DYNC2I1: variants seen among roughly 807,000 people sequenced by gnomAD.
The protein encoded by DYNC2I1 is dynein 2 intermediate chain 1, also known as cytoplasmic dynein 2 intermediate chain 1.
DYNC2I1 carries 89 observed loss-of-function variants against 133.4 expected under a neutral mutation model. The observed-to-expected ratio is 0.67, with a 90% CI of 0.56 to 0.80. The LOEUF (loss-of-function observed/expected upper bound fraction) is 0.80. DYNC2I1 is among the 30% of genes least tolerant of loss of function. The probability of loss-of-function intolerance (pLI) is 0.00; values close to 1 mark genes in which losing one functional copy is unlikely to be tolerated. For missense variants in DYNC2I1, 1,291 were observed against 1,314.5 expected (o/e 0.98, Z 0.28); for synonymous variants, 504 against 484.3 (o/e 1.04, Z -0.54).
chr7:158,872,223 G>A (rs1842952901), intron 3 of DYNC2I1, among the ~76,000 whole-genome samples: 1 of 152,212 alleles, frequency 6.6e-6, no homozygotes, highest in Non-Finnish European at 1.5e-5. Flanking sequence ...GGCCGAGGTG[G>A]GAGGATCCCT....
At position 158,867,018 on chromosome 7, in the gene DYNC2I1, G is replaced by GTTT. The variant is rs35720744; in HGVS notation, c.16-2821_16-2819dup. ...TCCATTTTTCATTTGGACTAAATCT[G>GTTT]TTTTTTTTTTTTTTTTTTGAAACAA... On this transcript the variant is annotated intron_variant, in intron 1 of 24. Coordinates refer to ENST00000407559, the MANE Select transcript of DYNC2I1 (RefSeq NM_018051.5). 6.8e-4 allele frequency among the ~76,000 whole-genome samples: 82 copies of GTTT among 121,168 alleles called. 1 individual carries two copies. The highest frequency in any genetic ancestry group is 1.7e-3 in the African/African-American group (57 of 33,000). The allele number at this position is 121,168 out of a possible 152,430, so 79.5% of individuals were successfully genotyped here.
the DYNC2I1 span, among the ~76,000 whole-genome samples, chr7:158,845,250 T>G: frequency 1.3e-5 from 2 of 152,090 alleles, no homozygotes; most frequent in Non-Finnish European, 2.9e-5. Context: ...ATGGTGAGTG[T>G]GTTGTGTATT....
At chr7:158,862,850 T>C (rs1273314175) in intron 1 of DYNC2I1, among the ~76,000 whole-genome samples, 3 of 152,050 alleles carry the variant, frequency 2.0e-5, no homozygotes, top group Non-Finnish European at 4.4e-5. Flanking sequence ...GTTTGTGGTC[T>C]TGCTGACTTC....
chr7:158,878,717 C>CATTGCTTTCTCTGTGG, intron 4 of DYNC2I1, among the ~76,000 whole-genome samples: 3 of 142,968 alleles, frequency 2.1e-5, no homozygotes, highest in African/African-American at 2.7e-5. Context: ...TGTGGGGAGG[C>CATTGCTTTCTCTGTGG]GAGGAGGGCA....
the DYNC2I1 span, among the ~76,000 whole-genome samples, chr7:158,845,340 A>T: frequency 6.6e-6 from 1 of 152,332 alleles, no homozygotes; most frequent in South Asian, 2.1e-4. Flanking sequence ...TCAAGTTCAC[A>T]TGACTTAAGT....
intron 23 of DYNC2I1, among the ~76,000 whole-genome samples, chr7:158,941,340 T>C (rs1851341150): frequency 6.6e-6 from 1 of 152,258 alleles, no homozygotes; most frequent in Admixed American, 6.5e-5. Flanking sequence ...TGGCCCATAT[T>C]TGAATCACTG....
intron 20 of DYNC2I1, 76 bp downstream of exon 20, chr7:158,927,119 C>G: frequency 9.2e-7 from 1 of 1,081,822 alleles, no homozygotes; most frequent in Non-Finnish European, 1.4e-6. Context: ...TAACTGCGGT[C>G]AGGTGCAGTG....
intron 7 of DYNC2I1, among the ~76,000 whole-genome samples, chr7:158,887,507 TTAA>T (rs925579854): frequency 1.3e-5 from 2 of 152,020 alleles, no homozygotes; most frequent in Non-Finnish European, 2.9e-5. Flanking sequence ...AAAGAGACAA[TTAA>T]TAATAATAGT....
chr7:158,848,650 C>T, the DYNC2I1 span, among the ~76,000 whole-genome samples: 63,634 of 151,728 alleles, frequency 0.42, 14,041 homozygotes, highest in East Asian at 0.65. Flanking sequence ...CCAGGCCGGG[C>T]GCGGTGACTC....
intron 8 of DYNC2I1, among the ~76,000 whole-genome samples, chr7:158,891,963 A>G (rs1845270138): frequency 1.3e-5 from 2 of 151,772 alleles, no homozygotes; most frequent in African/African-American, 4.8e-5. Context: ...AAGGACCTGG[A>G]GCGGAGCTTG....
At chr7:158,859,153 G>A in intron 1 of DYNC2I1, among the ~76,000 whole-genome samples, 1 of 150,116 alleles carries the variant, frequency 6.7e-6, no homozygotes, top group East Asian at 2.0e-4. Flanking sequence ...GAGCTACCAT[G>A]CCTGGCCTGT....
chr7:158,958,276 G>A (rs942780042), downstream of DYNC2I1, among the ~76,000 whole-genome samples: 7 of 152,126 alleles, frequency 4.6e-5, no homozygotes, highest in Non-Finnish European at 2.9e-5. Flanking sequence ...TGGTTGAAAA[G>A]CAGGCAGAAG....
At chr7:158,952,632 C>G (rs534677307) in intron 4 of DYNC2I1, among the ~76,000 whole-genome samples, 4 of 152,052 alleles carry the variant, frequency 2.6e-5, no homozygotes, top group African/African-American at 7.2e-5. Flanking sequence ...GGAGGGTGAA[C>G]CCCCAGCCGC....
At chr7:158,937,906 A>T (rs1248789061) in intron 23 of DYNC2I1, among the ~76,000 whole-genome samples, 1 of 152,190 alleles carries the variant, frequency 6.6e-6, no homozygotes, top group Non-Finnish European at 1.5e-5. Flanking sequence ...TTCTAAAAAG[A>T]AAAAAGAAAG....
intron 14 of DYNC2I1, among the ~76,000 whole-genome samples, chr7:158,917,806 C>G (rs915810979): frequency 1.3e-5 from 2 of 152,150 alleles, no homozygotes; most frequent in Non-Finnish European, 2.9e-5. Flanking sequence ...CTTCCACACT[C>G]TCTTCCTGTC....
intron 2 of DYNC2I1, among the ~76,000 whole-genome samples, chr7:158,870,109 G>T (rs866116148): frequency 1.3e-5 from 2 of 152,196 alleles, no homozygotes; most frequent in African/African-American, 4.8e-5. Flanking sequence ...CCCACTGCTC[G>T]TGGGGCTCTG....
chr7:158,910,039 G>T (rs2129484480), intron 11 of DYNC2I1, among the ~76,000 whole-genome samples: 1 of 152,278 alleles, frequency 6.6e-6, no homozygotes, highest in East Asian at 1.9e-4. Flanking sequence ...CATTCACTGT[G>T]CATTCATTGA....
At chr7:158,930,977 T>G (rs1850164031) in intron 21 of DYNC2I1, among the ~76,000 whole-genome samples, 1 of 152,204 alleles carries the variant, frequency 6.6e-6, no homozygotes, top group Admixed American at 6.5e-5. Context: ...CTTGTTAGTC[T>G]GTTATTAATG....
chr7:158,920,702 G>T (rs1343938815), intron 15 of DYNC2I1, among the ~76,000 whole-genome samples: 1 of 152,228 alleles, frequency 6.6e-6, no homozygotes, highest in African/African-American at 2.4e-5. Flanking sequence ...TTAGTTTTGT[G>T]TTCTGGTAAA....
Sources: allele counts gnomAD v4.1 joint callset (sites outside exome capture counted in the v4.1 genomes callset), GRCh38; gene constraint gnomAD v4.1.1; transcripts MANE v1.5; gene names NCBI Gene and HGNC (gene_info 2026-07-23, HGNC 2026-07-21).